Variants in TEX15 observed in about 807,000 individuals in gnomAD.
TEX15 encodes testis-expressed protein 15.
In TEX15, 171 loss-of-function variants were observed where a neutral mutation model predicts 237.3. The ratio of observed to expected loss-of-function variants is 0.72; its 90% confidence interval spans 0.64 to 0.82. TEX15 has a LOEUF of 0.82. Among genes scored for constraint, TEX15 ranks in the 40% least tolerant of loss-of-function variants. TEX15 has a pLI of 0.00. For synonymous variants in TEX15, 1,338 were observed against 1,269.8 expected (o/e 1.05, Z -1.14); for missense variants, 3,750 against 3,646.5 (o/e 1.03, Z -0.73).
At chr8:30,877,551 G>T (rs1187291598) in intron 3 of TEX15, among the ~76,000 whole-genome samples, 1 of 151,926 alleles carries the variant, frequency 6.6e-6, no homozygotes, top group African/African-American at 2.4e-5. Context: ...TTTCATTTTA[G>T]TATTTGTAAT....
At chr8:30,874,892 C>G in intron 4 of TEX15, 45 bp downstream of exon 4, 1 of 1,184,000 alleles carries the variant, frequency 8.4e-7, no homozygotes, top group Admixed American at 4.1e-5. Context: ...TCCATAGTAA[C>G]AAACACAACA....
chr8:30,899,712 A>G lies in TEX15; in HGVS notation c.-85-895T>C, dbSNP rs143220235. On this transcript the variant is annotated intron_variant, in intron 1 of 10. Coordinates refer to ENST00000643185, the MANE Select transcript of TEX15 (RefSeq NM_001350162.2). ...CTCAGCCTGCCAAAGTGCTGGGATT[A>G]CAAGAGTAAGCCATGGCACCTGGCC... 3.4e-3 allele frequency among the ~76,000 whole-genome samples: 523 copies of G among 152,286 alleles called. 1 individual carries two copies. Among genetic ancestry groups the G allele is most frequent in the African/African-American group, 0.012 (495 of 41,564 alleles).
chr8:30,871,232 T>C (rs1563260396), intron 4 of TEX15, among the ~76,000 whole-genome samples: 1 of 152,074 alleles, frequency 6.6e-6, no homozygotes, highest in Admixed American at 6.6e-5. Flanking sequence ...TGTAAGGTGA[T>C]ATATTCACAG....
intron 7 of TEX15, among the ~76,000 whole-genome samples, chr8:30,851,184 C>T (rs1807776409): frequency 6.6e-6 from 1 of 152,108 alleles, no homozygotes; most frequent in African/African-American, 2.4e-5. Flanking sequence ...AGTAAAATAA[C>T]CCAAGACAGT....
chr8:30,895,291 C>T (rs1449364499), intron 2 of TEX15, among the ~76,000 whole-genome samples: 8 of 123,872 alleles, frequency 6.5e-5, no homozygotes, highest in Non-Finnish European at 1.1e-4. Flanking sequence ...AAGCGAGACT[C>T]CATCTCAAAA....
chr8:30,860,166 G>GA, intron 5 of TEX15, 109 bp from the exon 6 acceptor site: 1 of 1,001,758 alleles, frequency 1.0e-6, no homozygotes, highest in Non-Finnish European at 1.4e-6. Context: ...TTCTGAGACA[G>GA]GGTCTCACTC....
intron 1 of TEX15, among the ~76,000 whole-genome samples, chr8:30,904,984 G>A (rs1015484532): frequency 1.3e-5 from 2 of 152,148 alleles, no homozygotes; most frequent in African/African-American, 4.8e-5. Context: ...TCATGAAAGA[G>A]TTCACTTACA....
In TEX15 at chr8:30,912,963, CCTCAGGAACA is replaced by C. The variant is rs1809264200; in HGVS notation, c.-180_-171del. 6.6e-6 allele frequency: 1 copy of C among 152,432 alleles called. No individual in the cohort carries two copies. Among genetic ancestry groups the C allele is most frequent in the African/African-American group, 2.4e-5 (1 of 41,482 alleles). 9.4% of individuals were successfully genotyped at this position (152,432 alleles called of 1,614,324 possible). A position where few individuals can be genotyped will look rare whatever the true frequency, so the allele number is the denominator to read the frequency against. ...CTTCGCCCACTGCCTTCCCTGGAAGCCTCAGGAACACAGCAGCACCCCCCAGCGAGGTGCG... is the reference window on the plus strand; with the variant it reads ...CTTCGCCCACTGCCTTCCCTGGAAGCCAGCAGCACCCCCCAGCGAGGTGCG... On this transcript the variant is annotated 5_prime_UTR_variant, in exon 1 of 11. Coordinates refer to ENST00000643185, the MANE Select transcript of TEX15 (RefSeq NM_001350162.2).
Position 30,845,549 on chromosome 8 carries a change from T to A in TEX15, c.4618A>T (p.Asn1540Tyr), listed in dbSNP as rs761010527. 1 of 1,613,708 alleles carries A rather than the reference T, an allele frequency of 6.2e-7. No homozygotes were observed. The highest frequency in any genetic ancestry group is 1.7e-5 in the Admixed American group (1 of 59,988). The change falls in exon 8 of 11, where the codon AAT becomes TAT. Residue 1540 changes from asparagine (N) to tyrosine (Y), a missense_variant. Asn to Tyr is a moderately radical substitution (Grantham distance 143, BLOSUM62 -2). Transcript: ENST00000643185. ...TGATGTTCTTCTGATAAACTTGGAT[T>A]GCTTACACTGCTATTATAATAAACT... Reference protein sequence around the residue: ...QSVYYNSSVSNPSLSEEHQPF... With the variant: ...QSVYYNSSVSYPSLSEEHQPF...
At chr8:30,849,640 C>T (rs935152596) in intron 7 of TEX15, among the ~76,000 whole-genome samples, 17 of 151,958 alleles carry the variant, frequency 1.1e-4, no homozygotes, top group Non-Finnish European at 2.9e-5. Context: ...CGGTGGCTCA[C>T]GCTTATAATT....
Position 30,905,734 on chromosome 8 carries a change from C to CAAAAAAA in TEX15, c.-85-6924_-85-6918dup, listed in dbSNP as rs34079195. On this transcript the variant is annotated intron_variant, in intron 1 of 10. Coordinates refer to ENST00000643185, the MANE Select transcript of TEX15 (RefSeq NM_001350162.2). ...CGAAAACCTGTCTTTACAAAAAATA[C>CAAAAAAA]AAAAAAAAAAAAAAAAAAAAAAAAG... Among the ~76,000 whole-genome samples, 19 of 50,990 alleles carry CAAAAAAA rather than the reference C, an allele frequency of 3.7e-4. 1 individual carries two copies. Among genetic ancestry groups the CAAAAAAA allele is most frequent in the African/African-American group, 5.5e-4 (7 of 12,686 alleles). The allele number at this position is 50,990 out of a possible 152,430, so 33.5% of individuals were successfully genotyped here. A position where few individuals can be genotyped will look rare whatever the true frequency, so the allele number is the denominator to read the frequency against.
chr8:30,861,404 C>A (rs974611924), intron 5 of TEX15, among the ~76,000 whole-genome samples: 6 of 152,002 alleles, frequency 3.9e-5, no homozygotes, highest in Admixed American at 2.0e-4. Flanking sequence ...AAAACTAAAA[C>A]CATGAACATA....
At chr8:30,882,693 A>G (rs1278307416) in intron 3 of TEX15, among the ~76,000 whole-genome samples, 1 of 152,224 alleles carries the variant, frequency 6.6e-6, no homozygotes, top group African/African-American at 2.4e-5. Flanking sequence ...TGTTAGGTAC[A>G]ATAATCTATA....
At position 30,842,197 on chromosome 8, in the gene TEX15, ATT is replaced by A; in HGVS notation, c.7968_7969del (p.Lys2656AsnfsTer12). 6.2e-7 allele frequency: 1 copy of A among 1,611,660 alleles called. No homozygotes were observed. On this transcript the variant is annotated frameshift_variant, in exon 8 of 11. Coordinates refer to ENST00000643185, the MANE Select transcript of TEX15 (RefSeq NM_001350162.2). LOFTEE classifies it high-confidence loss of function. ...CCCAGGTTTTACAATATGAATATTC[ATT>A]TTTTCTTTTCTCTTCAGCTGTAAAA...
intron 3 of TEX15, among the ~76,000 whole-genome samples, chr8:30,881,550 T>C (rs1406347142): frequency 2.6e-5 from 4 of 151,976 alleles, no homozygotes; most frequent in South Asian, 4.1e-4. Flanking sequence ...GTCAATTTAA[T>C]TGATCTTTCC....
chr8:30,843,291 T>A lies in TEX15; in HGVS notation c.6876A>T (p.Ser2292=), dbSNP rs375589119. 4.7e-5 allele frequency: 76 copies of A among 1,609,384 alleles called. No individual in the cohort carries two copies. The highest frequency in any genetic ancestry group is 6.3e-5 in the Non-Finnish European group (74 of 1,177,240). ...ERTQSFSKKY[S]QKKDEERLLR... ...GTAGCCTTTCTTCGTCCTTCTTTTGTGAGTATTTTTTGCTGAAGGATTGTG... is the reference window on the plus strand; with the variant it reads ...GTAGCCTTTCTTCGTCCTTCTTTTGAGAGTATTTTTTGCTGAAGGATTGTG... The change falls in exon 8 of 11, where the codon TCA becomes TCT. Residue 2292 remains serine, a synonymous_variant. Transcript: ENST00000643185.
intron 6 of TEX15, among the ~76,000 whole-genome samples, chr8:30,859,334 CAT>C (rs1194444046): frequency 6.6e-6 from 1 of 152,010 alleles, no homozygotes; most frequent in Non-Finnish European, 1.5e-5. Flanking sequence ...ATGACTAATA[CAT>C]AAGCCTTTTC....
intron 5 of TEX15, among the ~76,000 whole-genome samples, chr8:30,866,318 G>A (rs924521997): frequency 6.7e-6 from 1 of 149,762 alleles, no homozygotes; most frequent in Non-Finnish European, 1.5e-5. Context: ...AGGCAGAAAG[G>A]ACAAAAAGGG....
At chr8:30,903,918 A>G (rs1227175904) in intron 1 of TEX15, among the ~76,000 whole-genome samples, 1 of 152,244 alleles carries the variant, frequency 6.6e-6, no homozygotes, top group Non-Finnish European at 1.5e-5. Flanking sequence ...GGACAGATCA[A>G]TCATGTACAA....
Sources: allele counts gnomAD v4.1 joint callset (sites outside exome capture counted in the v4.1 genomes callset), GRCh38; gene constraint gnomAD v4.1.1; transcripts MANE v1.5; gene names NCBI Gene and HGNC (gene_info 2026-07-23, HGNC 2026-07-21).